The following CDH4 variants were observed in gnomAD, a reference collection of about 807,000 sequenced individuals.
CDH4 encodes the protein cadherin 4.
Under a neutral mutation model 86.0 loss-of-function variants are expected in CDH4, and 33 were observed. The observed-to-expected ratio is 0.38, with a 90% CI of 0.29 to 0.51. The LOEUF is 0.51. Among genes scored for constraint, CDH4 ranks in the 20% least tolerant of loss-of-function variants. The probability of loss-of-function intolerance (pLI) is 0.86; values close to 1 mark genes in which losing one functional copy is unlikely to be tolerated. For missense variants in CDH4, 1,114 were observed against 1,307.4 expected, an observed-to-expected ratio of 0.85 and a Z score of 2.28; for synonymous variants, 555 against 549.4, an observed-to-expected ratio of 1.01 and a Z score of -0.14.
At chr20:61,435,907 G>A (rs918593788) in intron 2 of CDH4, 2 of 152,296 alleles carry the variant, frequency 1.3e-5, no homozygotes, top group Admixed American at 6.5e-5. Context: ...CCAGGACTCT[G>A]GCCACATGTG....
At chr20:61,429,354 T>A (rs2085231955) in intron 2 of CDH4, among the ~76,000 whole-genome samples, 1 of 152,222 alleles carries the variant, frequency 6.6e-6, no homozygotes, top group Non-Finnish European at 1.5e-5. Flanking sequence ...AGCCTACACA[T>A]GCCCTGGCCA....
intron 9 of CDH4, among the ~76,000 whole-genome samples, chr20:61,918,396 G>T (rs2054929203): frequency 1.3e-5 from 2 of 152,298 alleles, no homozygotes; most frequent in Non-Finnish European, 2.9e-5. Context: ...GAACAAGGGG[G>T]TGCCCACTCC....
chr20:61,574,459 C>G (rs1233954382), intron 2 of CDH4, among the ~76,000 whole-genome samples: 2 of 152,238 alleles, frequency 1.3e-5, no homozygotes, highest in African/African-American at 4.8e-5. Flanking sequence ...AGAGTTTACA[C>G]AGTTCACACG....
intron 2 of CDH4, among the ~76,000 whole-genome samples, chr20:61,580,154 G>A (rs2086414947): frequency 6.6e-6 from 1 of 151,744 alleles, no homozygotes; most frequent in Admixed American, 6.6e-5. Flanking sequence ...ATAAAGTCAA[G>A]GCAAACTTCT....
chr20:61,712,955 A>G (rs1287247514), intron 2 of CDH4, among the ~76,000 whole-genome samples: 1 of 152,146 alleles, frequency 6.6e-6, no homozygotes, highest in East Asian at 1.9e-4. Context: ...AAGCAGTAGA[A>G]ACTTTGCCAG....
intron 3 of CDH4, among the ~76,000 whole-genome samples, chr20:61,748,074 G>A (rs999193181): frequency 3.3e-5 from 5 of 152,194 alleles, no homozygotes; most frequent in Admixed American, 6.5e-5. Context: ...TGACTTCTCC[G>A]CAGGAGCTGG....
intron 2 of CDH4, among the ~76,000 whole-genome samples, chr20:61,388,008 G>T (rs1397898921): frequency 6.6e-6 from 1 of 152,226 alleles, no homozygotes; most frequent in Non-Finnish European, 1.5e-5. Flanking sequence ...TAATAAATGG[G>T]TGTCTATAAT....
At chr20:61,918,403 C>T (rs1353721007) in intron 9 of CDH4, among the ~76,000 whole-genome samples, 3 of 152,208 alleles carry the variant, frequency 2.0e-5, no homozygotes, top group Non-Finnish European at 4.4e-5. Flanking sequence ...GGGGTGCCCA[C>T]TCCCTATATC....
chr20:61,486,936 T>C (rs1304774434), intron 2 of CDH4, among the ~76,000 whole-genome samples: 1 of 152,196 alleles, frequency 6.6e-6, no homozygotes, highest in Non-Finnish European at 1.5e-5. Flanking sequence ...GTTCCCTGGA[T>C]ATGGTAGATG....
At chr20:61,770,086 G>A (rs1390561869) in intron 3 of CDH4, among the ~76,000 whole-genome samples, 1 of 152,120 alleles carries the variant, frequency 6.6e-6, no homozygotes, top group Non-Finnish European at 1.5e-5. Flanking sequence ...TGGGTTCCGG[G>A]GAGAATGTGC....
chr20:61,917,604 G>A (rs149218829), intron 9 of CDH4, among the ~76,000 whole-genome samples: 3 of 152,306 alleles, frequency 2.0e-5, no homozygotes, highest in South Asian at 2.1e-4. Context: ...GCCTCCCATC[G>A]GAGGGGAGCA....
chr20:61,467,559 AAAT>A (rs1445872118), intron 2 of CDH4, among the ~76,000 whole-genome samples: 1 of 152,184 alleles, frequency 6.6e-6, no homozygotes, highest in African/African-American at 2.4e-5. Flanking sequence ...GGGGTTTGAG[AAAT>A]AATATGTCCC....
chr20:61,813,299 G>A (rs746822637), intron 4 of CDH4, among the ~76,000 whole-genome samples: 19 of 152,174 alleles, frequency 1.2e-4, no homozygotes, highest in Non-Finnish European at 2.5e-4. Context: ...GGGAGTCCAC[G>A]TGTGTCCTCA....
At chr20:61,499,663 A>G (rs532082635) in intron 2 of CDH4, among the ~76,000 whole-genome samples, 1 of 152,282 alleles carries the variant, frequency 6.6e-6, no homozygotes, top group East Asian at 1.9e-4. Context: ...CCACAAACGC[A>G]GGCCAGTGCC....
In CDH4 at chr20:61,285,081, T is replaced by TG. The variant is rs1555833428; in HGVS notation, c.169+30144_169+30145insG. Among the ~76,000 whole-genome samples the TG allele has an allele frequency of 9.5e-3, 1,427 of 149,452 alleles. 12 individuals are homozygous for TG. Among genetic ancestry groups the TG allele is most frequent in the African/African-American group, 0.02 (809 of 39,756 alleles). On this transcript the variant is annotated intron_variant, in intron 2 of 15. Transcript: ENST00000614565. ...CAGCCCAGCCTTTCCTGTTTTTTTT[T>TG]TTTGTTTGTTTGTTTGTTTGTTTGT...
chr20:61,738,047 G>A (rs968518876), intron 2 of CDH4, among the ~76,000 whole-genome samples: 2 of 152,154 alleles, frequency 1.3e-5, no homozygotes, highest in Admixed American at 1.3e-4. Context: ...GAGGACAGCA[G>A]GTGTTCCCCT....
intron 2 of CDH4, among the ~76,000 whole-genome samples, chr20:61,456,009 G>A (rs2085405006): frequency 1.3e-5 from 2 of 151,888 alleles, no homozygotes; most frequent in Non-Finnish European, 2.9e-5. Context: ...ATAGATATAT[G>A]GAGGGAGGGA....
At chr20:61,883,446 G>A (rs955261571) in intron 7 of CDH4, among the ~76,000 whole-genome samples, 1 of 152,172 alleles carries the variant, frequency 6.6e-6, no homozygotes, top group Non-Finnish European at 1.5e-5. Context: ...CATTGCATGG[G>A]TGGAGGCCAG....
chr20:61,371,541 C>A (rs191385706), intron 2 of CDH4, among the ~76,000 whole-genome samples: 1 of 152,230 alleles, frequency 6.6e-6, no homozygotes, highest in Non-Finnish European at 1.5e-5. Context: ...CCAGACAGCT[C>A]GTTTTTCTTC....
Sources: allele counts gnomAD v4.1 joint callset (sites outside exome capture counted in the v4.1 genomes callset), GRCh38; gene constraint gnomAD v4.1.1; transcripts MANE v1.5; gene names NCBI Gene and HGNC (gene_info 2026-07-23, HGNC 2026-07-21).